The following CSMD1 variants were observed in gnomAD, a reference collection of about 807,000 sequenced individuals.
CSMD1 encodes CUB and sushi domain-containing protein 1.
CSMD1 carries 213 observed loss-of-function variants against 417.5 expected under a neutral mutation model. That is an observed-to-expected ratio of 0.51 (90% CI 0.46 to 0.57). The LOEUF (loss-of-function observed/expected upper bound fraction) is 0.57, where lower values mean the gene tolerates loss of function less well. CSMD1 is among the 20% of genes least tolerant of loss of function. The pLI is 0.00. For missense variants in CSMD1, 6,923 were observed against 4,529.7 expected (o/e 1.53, Z -15.17); for synonymous variants, 2,862 against 1,736.8 (o/e 1.65, Z -16.11).
intron 4 of CSMD1, among the ~76,000 whole-genome samples, chr8:4,012,466 G>A (rs1339194594): frequency 6.6e-6 from 1 of 152,016 alleles, no homozygotes; most frequent in East Asian, 1.9e-4. Context: ...TACACATGCA[G>A]GTTTGTTACT....
chr8:3,640,691 G>C (rs1215355886), intron 7 of CSMD1, among the ~76,000 whole-genome samples: 2 of 152,182 alleles, frequency 1.3e-5, no homozygotes, highest in Non-Finnish European at 2.9e-5. Flanking sequence ...AAAAAGGAGA[G>C]TGTGTGTCTA....
At chr8:4,340,730 C>T (rs1022631424) in intron 3 of CSMD1, among the ~76,000 whole-genome samples, 2 of 152,034 alleles carry the variant, frequency 1.3e-5, no homozygotes, top group African/African-American at 2.4e-5. Context: ...GTGGAACAAA[C>T]TGAAAATTTA....
intron 23 of CSMD1, among the ~76,000 whole-genome samples, chr8:3,315,364 C>T (rs1805671139): frequency 6.6e-6 from 1 of 151,116 alleles, no homozygotes; most frequent in Admixed American, 6.6e-5. Flanking sequence ...GTGATTATTT[C>T]CTGAAATGTG....
chr8:3,627,167 G>A (rs1412341344), intron 7 of CSMD1, among the ~76,000 whole-genome samples: 1 of 152,066 alleles, frequency 6.6e-6, no homozygotes, highest in East Asian at 1.9e-4. Context: ...TATGTGCAGT[G>A]CAATTTCACC....
intron 28 of CSMD1, among the ~76,000 whole-genome samples, chr8:3,221,469 G>C (rs1276298224): frequency 6.6e-6 from 1 of 152,014 alleles, no homozygotes; most frequent in African/African-American, 2.4e-5. Flanking sequence ...CCAATATTTG[G>C]CTTAGTTAAT....
At chr8:4,645,068 G>T (rs1332254453) in intron 1 of CSMD1, among the ~76,000 whole-genome samples, 1 of 152,158 alleles carries the variant, frequency 6.6e-6, no homozygotes, top group Non-Finnish European at 1.5e-5. Context: ...AATTCCAAAA[G>T]CAGAGTTGCT....
chr8:3,238,896 T>C (rs1799318398), intron 26 of CSMD1, among the ~76,000 whole-genome samples: 1 of 152,010 alleles, frequency 6.6e-6, no homozygotes, highest in Non-Finnish European at 1.5e-5. Context: ...AGCAGTGTAA[T>C]CAAGAGCAGG....
At chr8:3,661,022 A>G (rs1798391600) in intron 7 of CSMD1, among the ~76,000 whole-genome samples, 1 of 152,184 alleles carries the variant, frequency 6.6e-6, no homozygotes, top group Non-Finnish European at 1.5e-5. Context: ...GCTATTTGGT[A>G]TGCGGATGCT....
intron 3 of CSMD1, among the ~76,000 whole-genome samples, chr8:4,250,186 T>A (rs1160441758): frequency 2.6e-5 from 4 of 152,192 alleles, no homozygotes; most frequent in Non-Finnish European, 4.4e-5. Context: ...ACATTTCTTT[T>A]CTTTACAAAG....
intron 1 of CSMD1, among the ~76,000 whole-genome samples, chr8:4,983,191 T>C (rs1015445435): frequency 6.6e-6 from 1 of 152,214 alleles, no homozygotes; most frequent in Non-Finnish European, 1.5e-5. Flanking sequence ...CTAATTATGT[T>C]GACAAGTTCT....
At chr8:3,051,199 A>C (rs11991684) in intron 50 of CSMD1, among the ~76,000 whole-genome samples, 8,436 of 152,308 alleles carry the variant, frequency 0.055, 788 homozygotes, top group African/African-American at 0.19. Context: ...AATCAACCCA[A>C]ATGCCCATCA....
In CSMD1 at chr8:3,684,798, T is replaced by C. The variant is rs79299821; in HGVS notation, c.1009+23616A>G. Among the ~76,000 whole-genome samples the C allele has an allele frequency of 1.7e-3, 253 of 152,218 alleles. 4 individuals are homozygous for C. The East Asian group carries it at 0.032, about 19-fold the overall frequency. On this transcript the variant is annotated intron_variant, in intron 7 of 69. Coordinates refer to ENST00000635120, the MANE Select transcript of CSMD1 (RefSeq NM_033225.6). Reference sequence around the variant, plus strand: ...GGCAGCCTAATTTTAGTCACCCTCATTCTCCTTGCTATAGATCATATTCCA... The same window carrying C: ...GGCAGCCTAATTTTAGTCACCCTCACTCTCCTTGCTATAGATCATATTCCA...
At chr8:4,730,790 G>C (rs1297794768) in intron 1 of CSMD1, among the ~76,000 whole-genome samples, 1 of 151,900 alleles carries the variant, frequency 6.6e-6, no homozygotes, top group African/African-American at 2.4e-5. Flanking sequence ...TAAATGAATA[G>C]AGACGGAGAA....
chr8:3,806,384 G>A (rs1354463395), intron 5 of CSMD1, among the ~76,000 whole-genome samples: 1 of 152,188 alleles, frequency 6.6e-6, no homozygotes, highest in South Asian at 2.1e-4. Context: ...CCTGAAGCCT[G>A]TGGGACACAA....
rs779286738 is a variant in CSMD1, at chr8:2,962,590, C to T, written c.9504G>A (p.Gly3168=). 7.4e-6 allele frequency: 12 copies of T among 1,613,844 alleles called. No homozygotes were observed. Among genetic ancestry groups the T allele is most frequent in the Admixed American group, 6.7e-5 (4 of 60,010 alleles). ...PGIPAEGRLS[G]KSFTYKSEVF... Reference sequence around the variant, plus strand: ...CTTCGGACTTATAGGTGAAACTTTTCCCACTAAGTCGCCCTTCTGCGGGGA... The same window carrying T: ...CTTCGGACTTATAGGTGAAACTTTTTCCACTAAGTCGCCCTTCTGCGGGGA... The change falls in exon 61 of 70, where the codon GGG becomes GGA. Residue 3168 remains glycine, a synonymous_variant. Coordinates refer to ENST00000635120, the MANE Select transcript of CSMD1 (RefSeq NM_033225.6).
intron 1 of CSMD1, among the ~76,000 whole-genome samples, chr8:4,647,439 G>C (rs1204700180): frequency 2.7e-5 from 4 of 149,040 alleles, no homozygotes; most frequent in Non-Finnish European, 4.4e-5. Context: ...CTGCTACGTA[G>C]GTATGCGTGT....
chr8:4,422,611 C>T (rs931589865), intron 2 of CSMD1, among the ~76,000 whole-genome samples: 1 of 152,052 alleles, frequency 6.6e-6, no homozygotes, highest in Non-Finnish European at 1.5e-5. Flanking sequence ...CTCAGACTTT[C>T]AGACTCCAGA....
intron 4 of CSMD1, among the ~76,000 whole-genome samples, chr8:4,007,000 G>C (rs1023497590): frequency 6.6e-6 from 1 of 151,490 alleles, no homozygotes; most frequent in Non-Finnish European, 1.5e-5. Context: ...GCTAATTTTT[G>C]TGTGTATGTG....
At chr8:3,469,803 G>A (rs980150695) in intron 11 of CSMD1, among the ~76,000 whole-genome samples, 2 of 152,160 alleles carry the variant, frequency 1.3e-5, no homozygotes, top group African/African-American at 2.4e-5. Context: ...TATATGTGAA[G>A]TAACTCATGC....
Sources: gnomAD v4.1 joint callset for allele counts (sites outside exome capture counted in the v4.1 genomes callset) on GRCh38, gnomAD v4.1.1 for gene constraint, MANE v1.5 for transcripts, NCBI Gene and HGNC (gene_info 2026-07-23, HGNC 2026-07-21) for gene names.